Variants in MECOM observed in about 807,000 individuals in gnomAD.
The protein encoded by MECOM is histone-lysine N-methyltransferase MECOM.
A neutral mutation model predicts 116.3 loss-of-function variants in MECOM; 13 were observed. The observed-to-expected ratio is 0.11, with a 90% CI of 0.07 to 0.18. The LOEUF (loss-of-function observed/expected upper bound fraction) is 0.18. Among genes scored for constraint, MECOM ranks in the 10% least tolerant of loss-of-function variants. The pLI is 1.00. For synonymous variants in MECOM, 528 were observed against 535.2 expected, an observed-to-expected ratio of 0.99 and a Z score of 0.19; for missense variants, 1,299 against 1,509.0, an observed-to-expected ratio of 0.86 and a Z score of 2.31.
At chr3:169,511,792 A>T (rs905426469) in intron 1 of MECOM, among the ~76,000 whole-genome samples, 19 of 151,872 alleles carry the variant, frequency 1.3e-4, no homozygotes, top group South Asian at 4.2e-4. Flanking sequence ...ACAAAAAAAA[A>T]TTTTTTTTAA....
intron 2 of MECOM, among the ~76,000 whole-genome samples, chr3:169,222,935 G>T (rs1752296881): frequency 6.6e-6 from 1 of 152,030 alleles, no homozygotes; most frequent in Non-Finnish European, 1.5e-5. Context: ...GGAACAATTA[G>T]ATTTTTTTCA....
intron 2 of MECOM, among the ~76,000 whole-genome samples, chr3:169,190,271 G>A (rs1156802004): frequency 6.6e-6 from 1 of 151,918 alleles, no homozygotes; most frequent in Non-Finnish European, 1.5e-5. Context: ...AATTTTTAAG[G>A]TAGCAAAAAA....
intron 2 of MECOM, among the ~76,000 whole-genome samples, chr3:169,166,981 G>C (rs56210334): frequency 0.07 from 10,704 of 152,042 alleles, 480 homozygotes; most frequent in South Asian, 0.19. Flanking sequence ...TGAGTTTAAA[G>C]AATTGTAGCT....
intron 1 of MECOM, among the ~76,000 whole-genome samples, chr3:169,529,405 G>A (rs139969844): frequency 3.3e-5 from 5 of 152,298 alleles, no homozygotes; most frequent in Non-Finnish European, 7.4e-5. Context: ...CTGCATCCAT[G>A]AAAATAGCTT....
chr3:169,123,649 A>C (rs1233607865), intron 5 of MECOM, among the ~76,000 whole-genome samples: 1 of 152,086 alleles, frequency 6.6e-6, no homozygotes, highest in Non-Finnish European at 1.5e-5. Context: ...CCCCCAAATA[A>C]AGTAACCAGA....
At chr3:169,281,143 C>T (rs1019065506) in intron 2 of MECOM, among the ~76,000 whole-genome samples, 10 of 152,190 alleles carry the variant, frequency 6.6e-5, no homozygotes, top group Non-Finnish European at 1.2e-4. Flanking sequence ...AGCATTATCA[C>T]CTACTGGAAA....
At chr3:169,355,765 C>T (rs1048199603) in intron 2 of MECOM, among the ~76,000 whole-genome samples, 1 of 151,766 alleles carries the variant, frequency 6.6e-6, no homozygotes, top group African/African-American at 2.4e-5. Context: ...AAAATGATCA[C>T]TTAATAAGCA....
chr3:169,661,584 G>C (rs1295400136), intron 1 of MECOM, among the ~76,000 whole-genome samples: 1 of 152,172 alleles, frequency 6.6e-6, no homozygotes, highest in Non-Finnish European at 1.5e-5. Flanking sequence ...ATGTATCGGG[G>C]AGTGTACGAG....
intron 12 of MECOM, among the ~76,000 whole-genome samples, chr3:169,095,772 T>C (rs1001458135): frequency 2.0e-5 from 3 of 152,142 alleles, no homozygotes; most frequent in African/African-American, 7.2e-5. Flanking sequence ...ACTAAAACAA[T>C]GTAAATAATT....
At chr3:169,322,997 TAAA>T (rs748984561) in intron 2 of MECOM, among the ~76,000 whole-genome samples, 8,625 of 53,666 alleles carry the variant, frequency 0.16, 208 homozygotes, top group Non-Finnish European at 0.19. Context: ...AAGACTCCGG[TAAA>T]AAAAAAAAAA....
rs531518545 is a variant in MECOM, at chr3:169,296,989, CACA to C, written c.375+84195_375+84197del. ...GTCATTTCATGTTATAGATCTGTGT[CACA>C]ACAACATCTGTACAAAACCAAACAC... On this transcript the variant is annotated intron_variant, in intron 2 of 16. Coordinates refer to ENST00000651503, the MANE Select transcript of MECOM (RefSeq NM_004991.4). Among the ~76,000 whole-genome samples, 150 of 152,282 alleles carry C rather than the reference CACA, an allele frequency of 9.9e-4. 1 individual carries two copies. Among genetic ancestry groups the C allele is most frequent in the African/African-American group, 3.2e-3 (134 of 41,562 alleles).
chr3:169,349,153 C>T (rs1253157940), intron 2 of MECOM, among the ~76,000 whole-genome samples: 2 of 150,574 alleles, frequency 1.3e-5, no homozygotes, highest in African/African-American at 4.9e-5. Flanking sequence ...TTTTAAGGAG[C>T]CCTAAGATAA....
intron 1 of MECOM, among the ~76,000 whole-genome samples, chr3:169,552,645 A>T (rs959724912): frequency 6.6e-6 from 1 of 152,076 alleles, no homozygotes; most frequent in Non-Finnish European, 1.5e-5. Context: ...CAAAGCTGAC[A>T]CTCTTAACCA....
rs748984561 is a variant in MECOM at position 169,322,997 on chromosome 3, T to TAA, written c.375+58188_375+58189dup. On this transcript the variant is annotated intron_variant, in intron 2 of 16. Coordinates refer to ENST00000651503, the MANE Select transcript of MECOM (RefSeq NM_004991.4). ...CCTGCATGACAGAGCAAGACTCCGG[T>TAA]AAAAAAAAAAAAAAAAAAAAAAAAA... 1.7e-3 allele frequency among the ~76,000 whole-genome samples: 97 copies of TAA among 56,020 alleles called. 6 individuals are homozygous for TAA. The highest frequency in any genetic ancestry group is 3.6e-3 in the African/African-American group (51 of 14,258). 36.8% of individuals were successfully genotyped at this position (56,020 alleles called of 152,430 possible). A position where few individuals can be genotyped will look rare whatever the true frequency, so the allele number is the denominator to read the frequency against.
At chr3:169,333,589 T>C (rs1300261880) in intron 2 of MECOM, among the ~76,000 whole-genome samples, 2 of 152,162 alleles carry the variant, frequency 1.3e-5, no homozygotes, top group Non-Finnish European at 2.9e-5. Context: ...GTTTCAGATA[T>C]GCTATTTTCA....
chr3:169,415,907 C>T (rs1245527639), intron 1 of MECOM, among the ~76,000 whole-genome samples: 1 of 152,102 alleles, frequency 6.6e-6, no homozygotes. Context: ...GAGACTTAGA[C>T]TCCAACACAA....
At chr3:169,137,369 G>A (rs1736684495) in intron 3 of MECOM, among the ~76,000 whole-genome samples, 1 of 152,032 alleles carries the variant, frequency 6.6e-6, no homozygotes, top group South Asian at 2.1e-4. Context: ...TCCAATTCAG[G>A]AATGATGTAA....
intron 10 of MECOM, among the ~76,000 whole-genome samples, chr3:169,102,612 A>G (rs951902251): frequency 2.0e-5 from 3 of 152,192 alleles, no homozygotes; most frequent in African/African-American, 7.2e-5. Context: ...AAAAGTTGCT[A>G]TATGCCTTAC....
intron 1 of MECOM, chr3:169,467,191 A>G (rs1411780224): frequency 6.6e-6 from 1 of 152,190 alleles, no homozygotes; most frequent in African/African-American, 2.4e-5. Context: ...TTATTATTGA[A>G]ATAACCATCA....
Sources: allele counts gnomAD v4.1 joint callset (sites outside exome capture counted in the v4.1 genomes callset), GRCh38; gene constraint gnomAD v4.1.1; transcripts MANE v1.5; gene names NCBI Gene and HGNC (gene_info 2026-07-23, HGNC 2026-07-21).